ERBB3: variants seen among roughly 807,000 people sequenced by gnomAD.
ERBB3 encodes receptor tyrosine-protein kinase erbB-3.
Under a neutral mutation model 156.7 loss-of-function variants are expected in ERBB3, and 96 were observed. The ratio of observed to expected loss-of-function variants is 0.61; its 90% confidence interval spans 0.52 to 0.73. The LOEUF is 0.73. ERBB3 is among the 30% of genes least tolerant of loss of function. The pLI is 0.00. For synonymous variants in ERBB3, 567 were observed against 632.0 expected (o/e 0.90, Z 1.54); for missense variants, 1,406 against 1,709.4 (o/e 0.82, Z 3.13).
intron 9 of ERBB3, 139 bp downstream of exon 9, chr12:56,089,007 G>A: frequency 1.7e-6 from 2 of 1,168,350 alleles, no homozygotes; most frequent in Middle Eastern, 1.9e-4. Flanking sequence ...GGACCTGAAA[G>A]AATGCTTAAC....
At position 56,101,286 on chromosome 12, in the gene ERBB3, G is replaced by A. The variant is rs1341063776; in HGVS notation, c.3427G>A (p.Val1143Ile). Residue 1143 changes from valine to isoleucine, a missense_variant, in exon 27 of 28, where the codon GTT becomes ATT. By Grantham distance (29) the Val-to-Ile change is conservative. This residue lies in a region of ERBB3 where 415 missense variants were observed against 454.1 expected (regional missense o/e 0.91). Coordinates refer to ENST00000267101, the MANE Select transcript of ERBB3 (RefSeq NM_001982.4). ...HSQRHSLLTP[V>I]TPLSPPGLEE... ...CCAGCGCCACAGTCTGCTGACTCCT[G>A]TTACCCCACTCTCCCCACCCGGGTT... is the stretch of plus-strand genomic sequence containing the variant. The A allele has an allele frequency of 6.2e-7, 1 of 1,614,148 alleles. No homozygotes were observed. The highest frequency in any genetic ancestry group is 1.7e-5 in the Admixed American group (1 of 60,008).
Position 56,099,971 on chromosome 12 carries a change from C to G in ERBB3, c.3071C>G (p.Thr1024Ser), listed in dbSNP as rs150001629. ...DLEAEEDNLA[T>S]TTLGSALSLP... The stretch of plus-strand genomic sequence containing the variant: ...GAAGCAGAGGAGGACAACCTGGCAA[C>G]CACCACACTGGGCTCCGCCCTCAGC... Residue 1024 changes from threonine (T) to serine (S), a missense_variant, in exon 25 of 28, where the codon ACC becomes AGC. Thr to Ser is a moderately conservative substitution (Grantham distance 58, BLOSUM62 1). Around this residue, in one of 3 missense-constraint regions of ERBB3, gnomAD observed 415 missense variants for 454.1 expected, o/e 0.91. Transcript: ENST00000267101. The G allele has an allele frequency of 6.2e-7, 1 of 1,614,242 alleles. No homozygotes were observed. Among genetic ancestry groups the G allele is most frequent in the Admixed American group, 1.7e-5 (1 of 60,030 alleles).
Position 56,103,227 on chromosome 12 carries a change from A to C in ERBB3, c.*1172A>C. The C allele has an allele frequency of 1.3e-5, 3 of 229,002 alleles. No homozygotes were observed. The highest frequency in any genetic ancestry group is 2.6e-5 in the Non-Finnish European group (3 of 115,106). The allele number at this position is 229,002 out of a possible 1,614,324, so 14.2% of individuals were successfully genotyped here. A position where few individuals can be genotyped will look rare whatever the true frequency, so the allele number is the denominator to read the frequency against. ...GGTGGGGGTAGTCAGAAGGAAAAATAACTGGACATCTTTGTGTAAACCATA... is the reference window on the plus strand; with the variant it reads ...GGTGGGGGTAGTCAGAAGGAAAAATCACTGGACATCTTTGTGTAAACCATA... On this transcript the variant is annotated 3_prime_UTR_variant, in exon 28 of 28. Coordinates refer to ENST00000267101, the MANE Select transcript of ERBB3 (RefSeq NM_001982.4).
intron 4 of ERBB3, 37 bp from the exon 5 acceptor site, chr12:56,087,540 C>T: frequency 6.4e-7 from 1 of 1,565,492 alleles, no homozygotes; most frequent in South Asian, 1.1e-5. Context: ...CTTTCTTAGC[C>T]CTGATGGCCC....
intron 1 of ERBB3, chr12:56,083,324 T>C (rs534913814): frequency 3.1e-6 from 1 of 323,302 alleles, no homozygotes; most frequent in South Asian, 2.7e-5. Flanking sequence ...GAGATATTTA[T>C]TCCAGGACCT....
intron 2 of ERBB3, among the ~76,000 whole-genome samples, chr12:56,084,674 C>T (rs1868414845): frequency 6.7e-6 from 1 of 148,876 alleles, no homozygotes; most frequent in Non-Finnish European, 1.5e-5. Context: ...CATGGAAAAA[C>T]CACATCTCTA....
chr12:56,102,557 C>A lies in ERBB3; in HGVS notation c.*502C>A. 1 of 238,864 alleles carries A rather than the reference C, an allele frequency of 4.2e-6. No individual in the cohort carries two copies. The highest frequency in any genetic ancestry group is 5.2e-5 in the Admixed American group (1 of 19,098). The allele number at this position is 238,864 out of a possible 1,614,324, so 14.8% of individuals were successfully genotyped here. On this transcript the variant is annotated 3_prime_UTR_variant, in exon 28 of 28. Transcript: ENST00000267101. ...AGAGGTTAGGAGTAGATATTGATTA[C>A]TATCATAATTCAGCACTTAACTATG...
intron 2 of ERBB3, among the ~76,000 whole-genome samples, chr12:56,084,539 G>T (rs1235023535): frequency 6.8e-6 from 1 of 146,414 alleles, no homozygotes; most frequent in East Asian, 2.1e-4. Flanking sequence ...GAGCCCAGGA[G>T]TTTGACGCTG....
chr12:56,086,090 A>AAGTAC (rs1868477990), intron 3 of ERBB3, among the ~76,000 whole-genome samples: 1 of 149,358 alleles, frequency 6.7e-6, no homozygotes, highest in Non-Finnish European at 1.5e-5. Flanking sequence ...AAAAAAACCA[A>AAGTAC]AGTACAGTAT....
intron 9 of ERBB3, 69 bp downstream of exon 9, chr12:56,088,937 A>G (rs1482482141): frequency 6.3e-7 from 1 of 1,598,238 alleles, no homozygotes; most frequent in East Asian, 2.2e-5. Flanking sequence ...TCATTGGCCA[A>G]AACTTTCCTA....
At chr12:56,099,606 G>A (rs774290699) in intron 23 of ERBB3, 42 bp from the exon 24 acceptor site, 15 of 1,556,028 alleles carry the variant, frequency 9.6e-6, no homozygotes, top group Admixed American at 8.3e-5. Context: ...GCCATGGAAT[G>A]TATTCTCTTT....
Position 56,086,540 on chromosome 12 carries a change from C to T in ERBB3, c.431C>T (p.Ser144Leu). The change falls in exon 4 of 28, where the codon TCA (serine) becomes TTA (leucine). Residue 144 changes from serine (S) to leucine (L), a missense_variant. By Grantham distance (145) the Ser-to-Leu change is moderately radical. Coordinates refer to ENST00000267101, the MANE Select transcript of ERBB3 (RefSeq NM_001982.4). ...LRLTQLTEIL[S>L]GGVYIEKNDK... ...TCTTTCCCTACCTCAGAGATTCTGTCAGGGGGTGTTTATATTGAGAAGAAC... is the reference window on the plus strand; with the variant it reads ...TCTTTCCCTACCTCAGAGATTCTGTTAGGGGGTGTTTATATTGAGAAGAAC... 1 of 1,614,114 alleles carries T rather than the reference C, an allele frequency of 6.2e-7. No individual in the cohort carries two copies. The highest frequency in any genetic ancestry group is 8.5e-7 in the Non-Finnish European group (1 of 1,180,004).
At chr12:56,100,387 A>T in intron 26 of ERBB3, 142 bp downstream of exon 26, 1 of 741,358 alleles carries the variant, frequency 1.3e-6, no homozygotes, top group Non-Finnish European at 2.5e-6. Flanking sequence ...CACACCTGTA[A>T]TCCCAGCACT....
At position 56,094,510 on chromosome 12, in the gene ERBB3, G is replaced by C. The variant is rs1177447452; in HGVS notation, c.1813G>C (p.Asp605His). Reference sequence around the variant, plus strand: ...CAAGGGCCCAATCTACAAGTACCCAGATGTTCAGAATGAATGTCGGCCCTG... The same window carrying C: ...CAAGGGCCCAATCTACAAGTACCCACATGTTCAGAATGAATGTCGGCCCTG... ...GAKGPIYKYP[D>H]VQNECRPCHE... is the part of the protein sequence containing the mutation. The change falls in exon 15 of 28, where the codon GAT becomes CAT. Residue 605 changes from aspartate to histidine, a missense_variant. Asp to His is a moderately conservative substitution (Grantham distance 81). Coordinates refer to ENST00000267101, the MANE Select transcript of ERBB3 (RefSeq NM_001982.4). 5.6e-6 allele frequency: 9 copies of C among 1,614,184 alleles called. No individual in the cohort carries two copies. Among genetic ancestry groups the C allele is most frequent in the African/African-American group, 1.3e-5 (1 of 75,032 alleles).
chr12:56,100,968 A>G, intron 26 of ERBB3, 93 bp from the exon 27 acceptor site: 1 of 682,780 alleles, frequency 1.5e-6, no homozygotes, highest in Non-Finnish European at 2.4e-6. Context: ...AAAAAAAGGC[A>G]GTGAACAACC....
intron 11 of ERBB3, 87 bp downstream of exon 11, chr12:56,093,163 TC>T: frequency 8.3e-7 from 1 of 1,210,714 alleles, no homozygotes; most frequent in Non-Finnish European, 1.2e-6. Context: ...AGGCACTGTC[TC>T]ATACAGCAGT....
At chr12:56,088,224 T>C (rs753940708) in intron 7 of ERBB3, 62 bp downstream of exon 7, 8 of 1,575,420 alleles carry the variant, frequency 5.1e-6, no homozygotes, top group African/African-American at 1.3e-5. Flanking sequence ...TTAGACAAAA[T>C]TGTGGAAGGG....
At position 56,097,797 on chromosome 12, in the gene ERBB3, C is replaced by G. The variant is rs576617052; in HGVS notation, c.2473C>G (p.Leu825Val). ...CCTATACCTACAGGGAATGTACTAC[C>G]TTGAGGAACATGGTATGGTGCATAG... ...GVQIAKGMYY[L>V]EEHGMVHRNL... Residue 825 changes from leucine to valine, a missense_variant, in exon 21 of 28, where the codon CTT (leucine) becomes GTT (valine). Around this residue, in one of 3 missense-constraint regions of ERBB3, gnomAD observed 979 missense variants for 1,219.6 expected, o/e 0.80. Transcript: ENST00000267101. The G allele has an allele frequency of 3.1e-6, 5 of 1,613,940 alleles. No homozygotes were observed. The Admixed American group carries it at 6.7e-5, about 22-fold the overall frequency.
At chr12:56,097,660 A>C (rs1411089511) in intron 20 of ERBB3, 125 bp from the exon 21 acceptor site, 1 of 1,016,790 alleles carries the variant, frequency 9.8e-7, no homozygotes, top group Admixed American at 1.7e-5. Context: ...CCACAAAACC[A>C]GTCCCTGGTG....
Sources: gnomAD v4.1 joint callset for allele counts (sites outside exome capture counted in the v4.1 genomes callset) on GRCh38, gnomAD v4.1.1 for gene constraint, gnomAD v4.1.1 regional missense constraint, MANE v1.5 for transcripts, NCBI Gene and HGNC (gene_info 2026-07-23, HGNC 2026-07-21) for gene names.